Variants in RAB6A observed in about 807,000 individuals in gnomAD.
RAB6A encodes RAB6A, member RAS oncogene family, also known as ras-related protein Rab-6A.
Under a neutral mutation model 32.3 loss-of-function variants are expected in RAB6A, and 8 were observed. The observed-to-expected ratio is 0.25, with a 90% CI of 0.15 to 0.45. RAB6A has a LOEUF of 0.45. Ranked by LOEUF, RAB6A falls within the 20% of genes least tolerant of loss-of-function variation. RAB6A has a pLI of 1.00. For missense variants in RAB6A, 104 were observed against 249.4 expected (o/e 0.42, Z 3.93); for synonymous variants, 73 against 82.1 (o/e 0.89, Z 0.60).
At chr11:73,719,830 G>C (rs1387617924) in intron 3 of RAB6A, among the ~76,000 whole-genome samples, 1 of 151,904 alleles carries the variant, frequency 6.6e-6, no homozygotes, top group Admixed American at 6.6e-5. Flanking sequence ...TGGCCAGGCT[G>C]GTCTTCAACT....
chr11:73,709,713 A>G (rs1251249524), intron 5 of RAB6A, among the ~76,000 whole-genome samples: 1 of 149,616 alleles, frequency 6.7e-6, no homozygotes, highest in Non-Finnish European at 1.5e-5. Flanking sequence ...AAGAAACCGT[A>G]TTTACATGTG....
chr11:73,698,869 T>TG (rs5792629), intron 6 of RAB6A, among the ~76,000 whole-genome samples: 1 of 144,894 alleles, frequency 6.9e-6, no homozygotes, highest in Non-Finnish European at 1.5e-5. Context: ...TTTTTTTTTT[T>TG]GAGATGGAGT....
At chr11:73,751,937 TAA>T (rs907332111) in intron 1 of RAB6A, among the ~76,000 whole-genome samples, 5 of 151,954 alleles carry the variant, frequency 3.3e-5, no homozygotes, top group Non-Finnish European at 7.4e-5. Flanking sequence ...CACAAGAGCA[TAA>T]AAAACAAAAA....
intron 5 of RAB6A, among the ~76,000 whole-genome samples, chr11:73,716,036 C>T (rs1946047146): frequency 6.6e-6 from 1 of 152,172 alleles, no homozygotes; most frequent in Non-Finnish European, 1.5e-5. Flanking sequence ...GAGTTATTTA[C>T]ACATGGGCTT....
At chr11:73,711,414 A>G (rs1490245443) in intron 5 of RAB6A, among the ~76,000 whole-genome samples, 1 of 151,956 alleles carries the variant, frequency 6.6e-6, no homozygotes, top group African/African-American at 2.4e-5. Context: ...CTGAAGATTC[A>G]CTCCATAGTA....
At position 73,677,879 on chromosome 11, in the gene RAB6A, T is replaced by C. The variant is rs1292372000; in HGVS notation, c.*19A>G. ...CAAAGCAGTGAGCTTCTGAAGAAGG[T>C]TGAAGATGACATGGGAGATTAGCAG... On this transcript the variant is annotated 3_prime_UTR_variant, in exon 8 of 8. Transcript: ENST00000336083. 21 of 1,613,984 alleles carry C rather than the reference T, an allele frequency of 1.3e-5. No homozygotes were observed. The highest frequency in any genetic ancestry group is 5.0e-5 in the Admixed American group (3 of 60,000).
At chr11:73,722,343 ATTTTTTTTT>A (rs537309131) in intron 2 of RAB6A, 195 of 15,258 alleles carry the variant, frequency 0.013, no homozygotes, top group South Asian at 0.038. Flanking sequence ...ATATATATAT[ATTTTTTTTT>A]TTTTTTTTTT....
chr11:73,738,543 T>C (rs1021941909), intron 1 of RAB6A, among the ~76,000 whole-genome samples: 7 of 152,028 alleles, frequency 4.6e-5, no homozygotes, highest in African/African-American at 1.5e-4. Context: ...CCCCAGCTAC[T>C]TGGGAGGTTG....
chr11:73,686,182 T>A (rs1171933124), intron 6 of RAB6A, among the ~76,000 whole-genome samples: 1 of 152,212 alleles, frequency 6.6e-6, no homozygotes, highest in African/African-American at 2.4e-5. Context: ...GTCCTCATAA[T>A]ATTACAACTT....
intron 1 of RAB6A, chr11:73,760,073 G>T (rs1418632801): frequency 7.8e-7 from 1 of 1,289,794 alleles, no homozygotes; most frequent in East Asian, 5.5e-5. Context: ...CACTTCGCAG[G>T]GCCAAGCCTC....
At chr11:73,747,347 C>A (rs1418118438) in intron 1 of RAB6A, among the ~76,000 whole-genome samples, 1 of 151,918 alleles carries the variant, frequency 6.6e-6, no homozygotes, top group South Asian at 2.1e-4. Context: ...GGATTACAGG[C>A]GCCCACCAGC....
intron 3 of RAB6A, among the ~76,000 whole-genome samples, chr11:73,720,173 C>T (rs1425539579): frequency 3.5e-5 from 5 of 142,854 alleles, no homozygotes; most frequent in African/African-American, 1.3e-4. Context: ...CAAATAAATA[C>T]ACATTACTTT....
At chr11:73,757,049 C>T (rs1287905318) in intron 1 of RAB6A, among the ~76,000 whole-genome samples, 3 of 136,314 alleles carry the variant, frequency 2.2e-5, no homozygotes, top group African/African-American at 8.2e-5. Context: ...GCTTCATGTA[C>T]TGACACAATT....
intron 7 of RAB6A, among the ~76,000 whole-genome samples, chr11:73,679,437 C>T (rs1000781025): frequency 1.3e-5 from 2 of 152,162 alleles, no homozygotes; most frequent in Admixed American, 6.5e-5. Context: ...CAAACAAACA[C>T]AAAACCTCTC....
In RAB6A at chr11:73,681,787, C is replaced by T. The variant is rs554259435; in HGVS notation, c.496-2067G>A. Among the ~76,000 whole-genome samples, 23 of 152,022 alleles carry T rather than the reference C, an allele frequency of 1.5e-4. 1 individual carries two copies. The highest frequency in any genetic ancestry group is 6.2e-4 in the South Asian group (3 of 4,812). Reference sequence around the variant, plus strand: ...TCTTGCCACTGCACTGCAGCCTGGGCGACAGAGCAAGACTCTGTCTGGAAA... The same window carrying T: ...TCTTGCCACTGCACTGCAGCCTGGGTGACAGAGCAAGACTCTGTCTGGAAA... On this transcript the variant is annotated intron_variant, in intron 6 of 7. Coordinates refer to ENST00000336083, the MANE Select transcript of RAB6A (RefSeq NM_198896.2).
At chr11:73,691,363 G>A (rs1470217238) in intron 6 of RAB6A, among the ~76,000 whole-genome samples, 1 of 152,160 alleles carries the variant, frequency 6.6e-6, no homozygotes, top group Non-Finnish European at 1.5e-5. Context: ...TTGTAGGGAT[G>A]GGGGTCTTGC....
rs1356204887 is a variant in RAB6A at position 73,677,217 on chromosome 11, G to A, written c.*681C>T. Reference sequence around the variant, plus strand: ...TCTTCTACTTCTAAGTACTCAGTATGTTCTTTAGGACTCATTTTGAAGATG... The same window carrying A: ...TCTTCTACTTCTAAGTACTCAGTATATTCTTTAGGACTCATTTTGAAGATG... On this transcript the variant is annotated 3_prime_UTR_variant, in exon 8 of 8. Transcript: ENST00000336083. 2 of 167,178 alleles carry A rather than the reference G, an allele frequency of 1.2e-5. No homozygotes were observed. Among genetic ancestry groups the A allele is most frequent in the African/African-American group, 2.4e-5 (1 of 41,452 alleles). The allele number at this position is 167,178 out of a possible 1,614,324, so 10.4% of individuals were successfully genotyped here. A position where few individuals can be genotyped will look rare whatever the true frequency, so the allele number is the denominator to read the frequency against.
chr11:73,749,054 G>C (rs541793332), intron 1 of RAB6A, among the ~76,000 whole-genome samples: 4 of 151,994 alleles, frequency 2.6e-5, no homozygotes, highest in Admixed American at 2.0e-4. Context: ...GAACCCGGAA[G>C]GCAAAGCTTG....
At chr11:73,734,073 T>C (rs1946357681) in intron 1 of RAB6A, among the ~76,000 whole-genome samples, 1 of 152,138 alleles carries the variant, frequency 6.6e-6, no homozygotes, top group Admixed American at 6.5e-5. Context: ...CTTCACCTTG[T>C]GAAGTGAAAA....
Sources: gnomAD v4.1 joint callset for allele counts (sites outside exome capture counted in the v4.1 genomes callset) on GRCh38, gnomAD v4.1.1 for gene constraint, MANE v1.5 for transcripts, NCBI Gene and HGNC (gene_info 2026-07-23, HGNC 2026-07-21) for gene names.